TEX101: variants seen among roughly 807,000 people sequenced by gnomAD.
TEX101 encodes the protein testis-expressed protein 101.
A neutral mutation model predicts 18.1 loss-of-function variants in TEX101; 10 were observed. The observed-to-expected ratio is 0.55, with a 90% CI of 0.34 to 0.94. The LOEUF is 0.94. Ranked by LOEUF, TEX101 falls within the 40% of genes least tolerant of loss-of-function variation. The probability of loss-of-function intolerance (pLI) is 0.02; values close to 1 mark genes in which losing one functional copy is unlikely to be tolerated. For missense variants in TEX101, 259 were observed against 298.9 expected (o/e 0.87, Z 0.98); for synonymous variants, 94 against 114.8 (o/e 0.82, Z 1.16).
At chr19:43,398,432 C>T (rs1035739800), upstream of TEX101, among the ~76,000 whole-genome samples, 4 of 150,810 alleles carry the variant, frequency 2.7e-5, no homozygotes, top group African/African-American at 7.3e-5. Context: ...TGCACCACCA[C>T]GCCCAGCTAA....
chr19:43,390,967 G>A, the TEX101 span, among the ~76,000 whole-genome samples: 53 of 152,212 alleles, frequency 3.5e-4, no homozygotes, highest in East Asian at 8.5e-3. Context: ...ATTTCACGAC[G>A]TTAGGCACCT....
At chr19:43,397,040 G>GTCTCTAC (rs1970273551), upstream of TEX101, among the ~76,000 whole-genome samples, 1 of 151,926 alleles carries the variant, frequency 6.6e-6, no homozygotes, top group Non-Finnish European at 1.5e-5. Flanking sequence ...GTTTCACCAT[G>GTCTCTAC]TTAGCCAGGA....
chr19:43,416,893 C>T (rs1201811822), intron 4 of TEX101, among the ~76,000 whole-genome samples: 1 of 151,852 alleles, frequency 6.6e-6, no homozygotes, highest in African/African-American at 2.4e-5. Context: ...ATTAGCTTAG[C>T]CTGGTGGCGC....
chr19:43,406,937 T>TG (rs1555745352), intron 3 of TEX101, among the ~76,000 whole-genome samples: 13,672 of 96,000 alleles, frequency 0.14, 703 homozygotes, highest in East Asian at 0.41. Context: ...TTTTGTTTTT[T>TG]TTTTTTTTTT....
chr19:43,407,145 T>C (rs1326769688), intron 3 of TEX101, among the ~76,000 whole-genome samples: 3 of 152,076 alleles, frequency 2.0e-5, no homozygotes, highest in East Asian at 3.9e-4. Flanking sequence ...CTTCCTATCA[T>C]TGGAAGACAG....
rs114675598 is a variant in TEX101, at chr19:43,414,938, C to T, written c.-140C>T. 1.2e-3 allele frequency: 1,181 copies of T among 985,388 alleles called. 9 individuals are homozygous for T. In the African/African-American group the frequency reaches 0.018, roughly 15 times the overall value. 61.0% of individuals were successfully genotyped at this position (985,388 alleles called of 1,614,324 possible). ...AAGGCGTTCCGGGCCTCAACTTTGG[C>T]GTCGTGAGATTCTTGTGAGGCGTCT... On this transcript the variant is annotated 5_prime_UTR_variant, in exon 1 of 6. Coordinates refer to ENST00000598265, the MANE Select transcript of TEX101 (RefSeq NM_001130011.3).
chr19:43,415,668 C>T (rs1482756350), intron 1 of TEX101, among the ~76,000 whole-genome samples: 3 of 151,468 alleles, frequency 2.0e-5, no homozygotes, highest in Admixed American at 1.3e-4. Context: ...GAGGCTGAGG[C>T]AGGAGAATTG....
At chr19:43,406,931 G>GTTTTTTGTT (rs1970370094) in intron 3 of TEX101, among the ~76,000 whole-genome samples, 2 of 116,116 alleles carry the variant, frequency 1.7e-5, no homozygotes, top group African/African-American at 7.0e-5. Flanking sequence ...TTTGTTTTTT[G>GTTTTTTGTT]TTTTTTTTTT....
chr19:43,411,345 G>T (rs931282786), upstream of TEX101, among the ~76,000 whole-genome samples: 1 of 152,146 alleles, frequency 6.6e-6, no homozygotes, highest in Admixed American at 6.5e-5. Flanking sequence ...CAAAGTGCTG[G>T]GATTACAGGC....
At chr19:43,410,672 G>T (rs773510254), upstream of TEX101, among the ~76,000 whole-genome samples, 3 of 151,340 alleles carry the variant, frequency 2.0e-5, no homozygotes, top group Non-Finnish European at 4.4e-5. Flanking sequence ...ACAGCTGGAA[G>T]GAACCAGATA....
At chr19:43,409,985 T>C (rs566704027), upstream of TEX101, among the ~76,000 whole-genome samples, 1 of 152,140 alleles carries the variant, frequency 6.6e-6, no homozygotes, top group South Asian at 2.1e-4. Flanking sequence ...TGCAGTGAGC[T>C]GTGATTGCAC....
intron 1 of TEX101, among the ~76,000 whole-genome samples, 178 bp downstream of exon 1, chr19:43,415,216 C>G (rs1246067777): frequency 1.4e-5 from 2 of 147,772 alleles, no homozygotes; most frequent in African/African-American, 4.9e-5. Context: ...ATCCCGGGTT[C>G]TGATGAGGCT....
the TEX101 span, among the ~76,000 whole-genome samples, chr19:43,389,966 T>G: frequency 2.0e-5 from 3 of 152,272 alleles, no homozygotes; most frequent in African/African-American, 7.2e-5. Flanking sequence ...TTCTTCTCTG[T>G]GGCAGAGATG....
upstream of TEX101, among the ~76,000 whole-genome samples, chr19:43,401,172 T>C (rs796187444): frequency 3.0e-4 from 46 of 152,308 alleles, no homozygotes; most frequent in African/African-American, 1.1e-3. Flanking sequence ...AAAAAATGCA[T>C]CCACCTAAAT....
At chr19:43,412,036 A>C (rs143861678), upstream of TEX101, among the ~76,000 whole-genome samples, 807 of 152,222 alleles carry the variant, frequency 5.3e-3, 8 homozygotes, top group African/African-American at 0.018. Context: ...AGATCTGTCA[A>C]TCTCTCTTGC....
intron 1 of TEX101, among the ~76,000 whole-genome samples, chr19:43,415,581 G>A (rs1970465274): frequency 6.6e-6 from 1 of 152,020 alleles, no homozygotes; most frequent in South Asian, 2.1e-4. Flanking sequence ...GACCAACATG[G>A]TGAAACGTCA....
At chr19:43,408,354 G>T (rs985587924) in intron 3 of TEX101, among the ~76,000 whole-genome samples, 5 of 152,214 alleles carry the variant, frequency 3.3e-5, no homozygotes, top group African/African-American at 1.2e-4. Context: ...GGGTGGCCCG[G>T]TGGCCCCTAT....
At chr19:43,406,499 TC>T in exon 3 of TEX101, 1 of 758,672 alleles carries the variant, frequency 1.3e-6, no homozygotes, top group Non-Finnish European at 2.4e-6. Flanking sequence ...CATCTTCAGT[TC>T]CCGCATGGGG....
chr19:43,395,113 G>T, the TEX101 span, among the ~76,000 whole-genome samples: 1 of 152,180 alleles, frequency 6.6e-6, no homozygotes, highest in Admixed American at 6.5e-5. Flanking sequence ...GGTCCATCAT[G>T]GGGAAGTGAC....
Sources: allele counts gnomAD v4.1 joint callset (sites outside exome capture counted in the v4.1 genomes callset), GRCh38; gene constraint gnomAD v4.1.1; transcripts MANE v1.5; gene names NCBI Gene and HGNC (gene_info 2026-07-23, HGNC 2026-07-21).